CNTNAP2: variants seen among roughly 807,000 people sequenced by gnomAD.
The protein encoded by CNTNAP2 is contactin-associated protein-like 2.
Under a neutral mutation model 155.2 loss-of-function variants are expected in CNTNAP2, and 98 were observed. That is an observed-to-expected ratio of 0.63 (90% CI 0.54 to 0.75). The LOEUF is 0.75. CNTNAP2 is among the 30% of genes least tolerant of loss of function. The pLI is 0.00. For synonymous variants in CNTNAP2, 651 were observed against 631.2 expected (o/e 1.03, Z -0.47); for missense variants, 1,727 against 1,688.1 (o/e 1.02, Z -0.40).
intron 16 of CNTNAP2, among the ~76,000 whole-genome samples, chr7:148,121,490 T>C (rs1459028775): frequency 6.6e-6 from 1 of 152,208 alleles, no homozygotes; most frequent in Non-Finnish European, 1.5e-5. Flanking sequence ...TCAGGAAACG[T>C]TGATTCTGAA....
chr7:148,190,570 T>A (rs928190685), intron 18 of CNTNAP2: 10 of 152,208 alleles, frequency 6.6e-5, no homozygotes, highest in Non-Finnish European at 1.5e-4. Flanking sequence ...TATATCTGTA[T>A]CTCTATATAT....
chr7:147,114,170 T>C (rs1351899012), intron 5 of CNTNAP2, among the ~76,000 whole-genome samples: 1 of 152,212 alleles, frequency 6.6e-6, no homozygotes, highest in Non-Finnish European at 1.5e-5. Context: ...TGTGCTGTGG[T>C]CTGAGAGACT....
chr7:147,871,794 T>G (rs941418030), intron 13 of CNTNAP2, among the ~76,000 whole-genome samples: 13 of 152,108 alleles, frequency 8.5e-5, no homozygotes, highest in Non-Finnish European at 1.9e-4. Flanking sequence ...GGCCGAATAG[T>G]TCGGGAATTT....
intron 13 of CNTNAP2, among the ~76,000 whole-genome samples, chr7:147,805,684 G>T (rs935065871): frequency 2.0e-5 from 3 of 152,112 alleles, no homozygotes; most frequent in Non-Finnish European, 4.4e-5. Context: ...TTAAAATGAT[G>T]ATATGGTTTT....
intron 21 of CNTNAP2, among the ~76,000 whole-genome samples, chr7:148,372,519 T>A (rs1036401835): frequency 1.3e-5 from 2 of 151,890 alleles, no homozygotes; most frequent in Admixed American, 1.3e-4. Context: ...ACCAGCCTGA[T>A]CAACATGGTG....
chr7:147,973,110 C>T (rs1013829475), intron 14 of CNTNAP2, among the ~76,000 whole-genome samples: 2 of 147,952 alleles, frequency 1.4e-5, no homozygotes, highest in African/African-American at 2.5e-5. Context: ...GCTATGATTG[C>T]ACCACTGCAC....
At chr7:147,407,648 A>G (rs975840916) in intron 10 of CNTNAP2, among the ~76,000 whole-genome samples, 9 of 103,814 alleles carry the variant, frequency 8.7e-5, no homozygotes, top group Admixed American at 7.3e-4. Context: ...TTCTCCCAGA[A>G]CAGGTACTGA....
chr7:147,534,846 C>T (rs1023742420), intron 11 of CNTNAP2, among the ~76,000 whole-genome samples: 5 of 152,228 alleles, frequency 3.3e-5, no homozygotes, highest in Middle Eastern at 3.4e-3. Flanking sequence ...CGCCCTTACA[C>T]TGAAGTAGAT....
chr7:148,106,493 G>GAGAGATATATATATAT (rs1554472856), intron 15 of CNTNAP2, among the ~76,000 whole-genome samples: 12 of 124,926 alleles, frequency 9.6e-5, no homozygotes, highest in African/African-American at 4.1e-4. Context: ...CACACTTTGA[G>GAGAGATATATATATAT]ATATATATAT....
intron 2 of CNTNAP2, among the ~76,000 whole-genome samples, chr7:146,775,202 G>C (rs374054721): frequency 6.6e-6 from 1 of 152,050 alleles, no homozygotes; most frequent in Non-Finnish European, 1.5e-5. Context: ...AAGGTACAAA[G>C]TTTTAGTTAG....
chr7:146,353,993 C>T (rs923870584), intron 1 of CNTNAP2, among the ~76,000 whole-genome samples: 4 of 152,092 alleles, frequency 2.6e-5, no homozygotes, highest in Non-Finnish European at 5.9e-5. Flanking sequence ...TTAGCTAAGT[C>T]ACCATAGGCC....
At chr7:146,636,167 G>A (rs574318744) in intron 1 of CNTNAP2, among the ~76,000 whole-genome samples, 20 of 151,686 alleles carry the variant, frequency 1.3e-4, no homozygotes, top group South Asian at 1.0e-3. Flanking sequence ...GGACTACAGC[G>A]GTGCCCACAG....
intron 1 of CNTNAP2, among the ~76,000 whole-genome samples, chr7:146,729,124 G>A (rs917343398): frequency 6.6e-6 from 1 of 152,154 alleles, no homozygotes; most frequent in Non-Finnish European, 1.5e-5. Flanking sequence ...TCTCAGGAAG[G>A]TGGGCTTCTG....
intron 1 of CNTNAP2, among the ~76,000 whole-genome samples, chr7:146,352,824 G>C (rs567568436): frequency 2.3e-5 from 3 of 133,050 alleles, no homozygotes; most frequent in East Asian, 4.6e-4. Flanking sequence ...GTGCGATCTC[G>C]GCTCACTGCA....
intron 18 of CNTNAP2, among the ~76,000 whole-genome samples, chr7:148,188,812 A>G (rs2116714169): frequency 6.6e-6 from 1 of 152,268 alleles, no homozygotes; most frequent in Admixed American, 6.5e-5. Flanking sequence ...TTCCCTTGAA[A>G]CCACTTGGTC....
intron 2 of CNTNAP2, among the ~76,000 whole-genome samples, chr7:146,824,441 T>C (rs1029609386): frequency 6.6e-6 from 1 of 152,144 alleles, no homozygotes; most frequent in East Asian, 1.9e-4. Flanking sequence ...TTTCTGGTTC[T>C]GCATCCTTGA....
intron 1 of CNTNAP2, among the ~76,000 whole-genome samples, chr7:146,573,466 T>C (rs1406138536): frequency 1.3e-5 from 2 of 152,100 alleles, no homozygotes; most frequent in Non-Finnish European, 2.9e-5. Flanking sequence ...TTTTGGTGAT[T>C]GGACAAAGAA....
intron 13 of CNTNAP2, among the ~76,000 whole-genome samples, chr7:147,899,302 T>G (rs1799824548): frequency 6.6e-6 from 1 of 152,176 alleles, no homozygotes; most frequent in Admixed American, 6.5e-5. Flanking sequence ...ATTGCTCCAC[T>G]GCACTCCAGC....
Position 147,002,944 on chromosome 7 carries a change from CAAAAAAA to C in CNTNAP2, c.403-40946_403-40940del, listed in dbSNP as rs773401142. Among the ~76,000 whole-genome samples, 513 of 52,946 alleles carry C rather than the reference CAAAAAAA, an allele frequency of 9.7e-3. 2 individuals carry two copies. Among genetic ancestry groups the C allele is most frequent in the African/African-American group, 0.016 (239 of 14,722 alleles). The allele number at this position is 52,946 out of a possible 152,430, so 34.7% of individuals were successfully genotyped here. ...CAGAACATAGCAAGGATGTTCCTTCCAAAAAAAAAAAAAAAAAAAAAAAGAAGAAGCA... is the reference window on the plus strand; with the variant it reads ...CAGAACATAGCAAGGATGTTCCTTCCAAAAAAAAAAAAAAAAGAAGAAGCA... On this transcript the variant is annotated intron_variant, in intron 3 of 23. Coordinates refer to ENST00000361727, the MANE Select transcript of CNTNAP2 (RefSeq NM_014141.6).
Sources: gnomAD v4.1 joint callset for allele counts (sites outside exome capture counted in the v4.1 genomes callset) on GRCh38, gnomAD v4.1.1 for gene constraint, MANE v1.5 for transcripts, NCBI Gene and HGNC (gene_info 2026-07-23, HGNC 2026-07-21) for gene names.